MYO10: variants seen among roughly 807,000 people sequenced by gnomAD.
MYO10 encodes unconventional myosin-X.
MYO10 carries 133 observed loss-of-function variants against 257.3 expected under a neutral mutation model. The ratio of observed to expected loss-of-function variants is 0.52; its 90% confidence interval spans 0.45 to 0.60. The LOEUF (loss-of-function observed/expected upper bound fraction) is 0.60, where lower values mean the gene tolerates loss of function less well. MYO10 is among the 20% of genes least tolerant of loss of function. The pLI is 0.00. For missense variants in MYO10, 2,399 were observed against 2,635.7 expected, an observed-to-expected ratio of 0.91 and a Z score of 1.97; for synonymous variants, 1,104 against 1,028.6, an observed-to-expected ratio of 1.07 and a Z score of -1.40.
intron 19 of MYO10, among the ~76,000 whole-genome samples, chr5:16,745,513 T>C (rs1445535690): frequency 6.8e-6 from 1 of 147,800 alleles, no homozygotes; most frequent in Non-Finnish European, 1.5e-5. Flanking sequence ...CAGTAAGACC[T>C]CGTCTCTATG....
At chr5:16,705,625 T>C (rs1383373423) in intron 21 of MYO10, among the ~76,000 whole-genome samples, 2 of 152,226 alleles carry the variant, frequency 1.3e-5, no homozygotes, top group East Asian at 3.8e-4. Context: ...GTCTCCGCAA[T>C]TTTTTACTTT....
chr5:16,753,022 G>A (rs1740424778), intron 19 of MYO10, among the ~76,000 whole-genome samples: 1 of 152,126 alleles, frequency 6.6e-6, no homozygotes, highest in Non-Finnish European at 1.5e-5. Flanking sequence ...TGTCACTTCA[G>A]GTCACACAAA....
At chr5:16,913,807 G>C (rs1745739284) in intron 1 of MYO10, among the ~76,000 whole-genome samples, 1 of 152,122 alleles carries the variant, frequency 6.6e-6, no homozygotes, top group East Asian at 1.9e-4. Flanking sequence ...AGAACAACAG[G>C]CCAGGCAAAG....
At chr5:16,793,824 G>A (rs1317336709) in intron 4 of MYO10, among the ~76,000 whole-genome samples, 1 of 151,728 alleles carries the variant, frequency 6.6e-6, no homozygotes, top group African/African-American at 2.4e-5. Flanking sequence ...CCAGCTACTC[G>A]GGAGGCTGAG....
At chr5:16,797,235 T>C (rs1741997412) in intron 3 of MYO10, among the ~76,000 whole-genome samples, 1 of 152,066 alleles carries the variant, frequency 6.6e-6, no homozygotes, top group African/African-American at 2.4e-5. Flanking sequence ...TGAAAAGAAA[T>C]GTTCATGGGG....
chr5:16,815,589 C>CA (rs1426799843), intron 3 of MYO10: 1 of 627,972 alleles, frequency 1.6e-6, no homozygotes, highest in Admixed American at 2.7e-5. Flanking sequence ...AGGTGCCTGG[C>CA]AGTGTCCTTG....
rs28721411 is a variant in MYO10, at chr5:16,876,408, A to C, written c.120+1201T>G. Among the ~76,000 whole-genome samples, 686 of 152,310 alleles carry C rather than the reference A, an allele frequency of 4.5e-3. 6 individuals carry two copies. Among genetic ancestry groups the C allele is most frequent in the African/African-American group, 0.016 (664 of 41,578 alleles). On this transcript the variant is annotated intron_variant, in intron 2 of 40. Coordinates refer to ENST00000513610, the MANE Select transcript of MYO10 (RefSeq NM_012334.3). ...AATCAGGAACAGTGGTGCTCCTATA[A>C]ACAGGAGAAACTTCTTCAGTTGCTT...
intron 3 of MYO10, among the ~76,000 whole-genome samples, chr5:16,802,433 T>C (rs372704103): frequency 1.4e-4 from 21 of 150,100 alleles, no homozygotes; most frequent in African/African-American, 4.9e-4. Flanking sequence ...CTGAGGCGGG[T>C]GGATCATGAG....
At chr5:16,745,210 G>A (rs1185565115) in intron 19 of MYO10, among the ~76,000 whole-genome samples, 1 of 152,156 alleles carries the variant, frequency 6.6e-6, no homozygotes, top group Admixed American at 6.5e-5. Context: ...AGTGGTGGCG[G>A]GTATCTGTAA....
intron 19 of MYO10, among the ~76,000 whole-genome samples, chr5:16,729,978 G>A (rs1477657609): frequency 1.3e-5 from 2 of 152,086 alleles, no homozygotes; most frequent in African/African-American, 2.4e-5. Flanking sequence ...AAGGAAGAGG[G>A]GCACCGAGGG....
Position 16,665,454 on chromosome 5 carries a change from C to T in MYO10, c.*1238G>A, listed in dbSNP as rs899171508. 6.6e-6 allele frequency: 1 copy of T among 152,110 alleles called. No individual in the cohort carries two copies. Among genetic ancestry groups the T allele is most frequent in the Admixed American group, 6.6e-5 (1 of 15,258 alleles). The allele number at this position is 152,110 out of a possible 1,614,324, so 9.4% of individuals were successfully genotyped here. ...CTTTTCCATATAAAAATAAAAAGTC[C>T]AAGACCAGATTATTTTTCTTCTGGT... On this transcript the variant is annotated 3_prime_UTR_variant, in exon 41 of 41. Coordinates refer to ENST00000513610, the MANE Select transcript of MYO10 (RefSeq NM_012334.3).
Position 16,694,643 on chromosome 5 carries a change from G to C in MYO10, c.3557-29C>G, listed in dbSNP as rs374427805. 6.8e-6 allele frequency: 11 copies of C among 1,609,880 alleles called. No homozygotes were observed. In the African/African-American group the frequency reaches 1.5e-4, roughly 22 times the overall value. On this transcript the variant is annotated intron_variant, in intron 26 of 40. Transcript: ENST00000513610. ...TTCCCCGTGAGATTGGGTAGAGAGGGGTGAAAGAAAAGTCAGTCAAGTTGG... is the reference window on the plus strand; with the variant it reads ...TTCCCCGTGAGATTGGGTAGAGAGGCGTGAAAGAAAAGTCAGTCAAGTTGG...
rs1579773298 is a variant in MYO10 at position 16,665,730 on chromosome 5, A to T, written c.*962T>A. Reference sequence around the variant, plus strand: ...TGTTTTTAACTTAAATCTTTTAGACATGAAAGACTCCAAAATGACTTCATT... The same window carrying T: ...TGTTTTTAACTTAAATCTTTTAGACTTGAAAGACTCCAAAATGACTTCATT... On this transcript the variant is annotated 3_prime_UTR_variant, in exon 41 of 41. Transcript: ENST00000513610. 6.5e-6 allele frequency: 1 copy of T among 152,768 alleles called. No homozygotes were observed. The highest frequency in any genetic ancestry group is 1.5e-5 in the Non-Finnish European group (1 of 68,038). 9.5% of individuals were successfully genotyped at this position (152,768 alleles called of 1,614,324 possible).
Position 16,748,619 on chromosome 5 carries a change from AGAGAGG to A in MYO10, c.1929+6203_1929+6208del, listed in dbSNP as rs1579946186. 8.8e-4 allele frequency among the ~76,000 whole-genome samples: 105 copies of A among 118,912 alleles called. 1 individual carries two copies. The highest frequency in any genetic ancestry group is 7.7e-3 in the Admixed American group (95 of 12,320). The allele number at this position is 118,912 out of a possible 152,430, so 78.0% of individuals were successfully genotyped here. On this transcript the variant is annotated intron_variant, in intron 19 of 40. Coordinates refer to ENST00000513610, the MANE Select transcript of MYO10 (RefSeq NM_012334.3). The stretch of plus-strand genomic sequence containing the variant: ...AGAAAAGAAAAAGAGGGAGAGAGGG[AGAGAGG>A]GAGGGAGGGAGGGAGGGAGAAATAG...
At chr5:16,896,032 T>C (rs1263763964) in intron 1 of MYO10, among the ~76,000 whole-genome samples, 1 of 152,188 alleles carries the variant, frequency 6.6e-6, no homozygotes, top group Admixed American at 6.5e-5. Flanking sequence ...TCAACACTCC[T>C]GGCCTCGCTT....
At chr5:16,693,514 A>G (rs1008235150) in intron 27 of MYO10, among the ~76,000 whole-genome samples, 1 of 152,212 alleles carries the variant, frequency 6.6e-6, no homozygotes. Context: ...TCTTCTCCTC[A>G]TTTAACTTTC....
chr5:16,678,637 A>C (rs1736845529), intron 33 of MYO10, among the ~76,000 whole-genome samples: 1 of 152,200 alleles, frequency 6.6e-6, no homozygotes, highest in African/African-American at 2.4e-5. Flanking sequence ...AAACACCTAA[A>C]CACCCAGAGA....
At chr5:16,753,021 A>T (rs1032517260) in intron 19 of MYO10, among the ~76,000 whole-genome samples, 1 of 152,220 alleles carries the variant, frequency 6.6e-6, no homozygotes, top group Non-Finnish European at 1.5e-5. Flanking sequence ...TTGTCACTTC[A>T]GGTCACACAA....
At chr5:16,697,495 T>A (rs537346004) in intron 26 of MYO10, among the ~76,000 whole-genome samples, 5 of 151,328 alleles carry the variant, frequency 3.3e-5, no homozygotes, top group Admixed American at 6.6e-5. Context: ...AGGTTAGGAG[T>A]TCGAGACCAG....
Sources: gnomAD v4.1 joint callset for allele counts (sites outside exome capture counted in the v4.1 genomes callset) on GRCh38, gnomAD v4.1.1 for gene constraint, MANE v1.5 for transcripts, NCBI Gene and HGNC (gene_info 2026-07-23, HGNC 2026-07-21) for gene names.